TANK: variants seen among roughly 807,000 people sequenced by gnomAD.
The protein encoded by TANK is TRAF family member-associated NF-kappa-B activator.
TANK carries 15 observed loss-of-function variants against 43.6 expected under a neutral mutation model. The observed-to-expected ratio is 0.34, with a 90% CI of 0.23 to 0.53. The LOEUF (loss-of-function observed/expected upper bound fraction) is 0.53. TANK is among the 20% of genes least tolerant of loss of function. The probability of loss-of-function intolerance (pLI) is 0.94; values close to 1 mark genes in which losing one functional copy is unlikely to be tolerated. For missense variants in TANK, 417 were observed against 498.6 expected, an observed-to-expected ratio of 0.84 and a Z score of 1.56; for synonymous variants, 162 against 178.2, an observed-to-expected ratio of 0.91 and a Z score of 0.73.
chr2:161,207,797 TC>T, intron 4 of TANK: 1 of 985,386 alleles, frequency 1.0e-6, no homozygotes, highest in Non-Finnish European at 1.2e-6. Context: ...ATGAAAAAAA[TC>T]CATGTCTGTT....
chr2:161,217,023 AT>A lies in TANK; in HGVS notation c.328-6888del, dbSNP rs59778093. On this transcript the variant is annotated intron_variant, in intron 4 of 7. Coordinates refer to ENST00000392749, the MANE Select transcript of TANK (RefSeq NM_001199135.3). ...TATACAGGTTTCTGTGTGAACATAA[AT>A]TTTGAAGTGCCCAGGAGTGCATTCA... Among the ~76,000 whole-genome samples the A allele has an allele frequency of 3.9e-5, 6 of 152,338 alleles. No homozygotes were observed. The East Asian group carries it at 1.2e-3, about 29-fold the overall frequency.
At chr2:161,199,062 G>A (rs1263725699) in intron 2 of TANK, among the ~76,000 whole-genome samples, 1 of 152,100 alleles carries the variant, frequency 6.6e-6, no homozygotes, top group East Asian at 1.9e-4. Flanking sequence ...TAATTAGATT[G>A]TGTCTAATTA....
chr2:161,197,004 A>G (rs1686181167), intron 2 of TANK, among the ~76,000 whole-genome samples: 1 of 152,236 alleles, frequency 6.6e-6, no homozygotes, highest in African/African-American at 2.4e-5. Context: ...AATAGTTCTC[A>G]TTTGTAAAAA....
upstream of TANK, among the ~76,000 whole-genome samples, chr2:161,159,886 TTGGGGAGAAACCAA>T (rs1684328320): frequency 6.6e-6 from 1 of 152,154 alleles, no homozygotes; most frequent in Non-Finnish European, 1.5e-5. Context: ...ATACTACCAG[TTGGGGAGAAACCAA>T]ATGGGTATGT....
intron 1 of TANK, among the ~76,000 whole-genome samples, chr2:161,138,727 C>T (rs1042894952): frequency 6.6e-6 from 1 of 152,174 alleles, no homozygotes; most frequent in African/African-American, 2.4e-5. Flanking sequence ...CTTTTAAACA[C>T]TTATGACATT....
intron 1 of TANK, chr2:161,161,573 G>A (rs536145826): frequency 1.6e-6 from 2 of 1,240,516 alleles, no homozygotes; most frequent in African/African-American, 1.5e-5. Context: ...TTTCCTGTAT[G>A]TGCATAACCA....
At chr2:161,203,367 T>A (rs1686505637) in intron 2 of TANK, 120 bp from the exon 3 acceptor site, 1 of 640,268 alleles carries the variant, frequency 1.6e-6, no homozygotes, top group Non-Finnish European at 2.7e-6. Flanking sequence ...ATCTCATAAA[T>A]CACAATACCT....
chr2:161,192,314 A>G (rs533932544), intron 2 of TANK, among the ~76,000 whole-genome samples: 24 of 152,340 alleles, frequency 1.6e-4, no homozygotes, highest in African/African-American at 4.3e-4. Context: ...AATGAGTTTA[A>G]TAAGCTGCTG....
chr2:161,156,410 A>G (rs750090679), upstream of TANK: 46 of 953,592 alleles, frequency 4.8e-5, no homozygotes, highest in Non-Finnish European at 5.6e-5. Flanking sequence ...ATCTTAGTCT[A>G]ATAGCTTATC....
Position 161,231,474 on chromosome 2 carries a change from T to G in TANK, c.1024T>G (p.Phe342Val), listed in dbSNP as rs143627145. 8 of 1,614,012 alleles carry G rather than the reference T, an allele frequency of 5.0e-6. No homozygotes were observed. Among genetic ancestry groups the G allele is most frequent in the Non-Finnish European group, 6.8e-6 (8 of 1,180,014 alleles). The change falls in exon 7 of 8, where the codon TTC (phenylalanine) becomes GTC (valine). Residue 342 changes from phenylalanine to valine, a missense_variant. Physicochemically the swap from Phe to Val is conservative, Grantham distance 50. Coordinates refer to ENST00000392749, the MANE Select transcript of TANK (RefSeq NM_001199135.3). Reference sequence around the variant, plus strand: ...CCATAATGCATTATATGTAAATAGCTTCCCACTTCTGGACCCATCTGATGC... The same window carrying G: ...CCATAATGCATTATATGTAAATAGCGTCCCACTTCTGGACCCATCTGATGC... ...GDHNALYVNSFPLLDPSDAPF... is the reference protein window; with the variant it reads ...GDHNALYVNSVPLLDPSDAPF...
chr2:161,167,694 C>T (rs186058950), intron 1 of TANK, among the ~76,000 whole-genome samples: 36 of 152,198 alleles, frequency 2.4e-4, no homozygotes, highest in African/African-American at 7.7e-4. Context: ...GCGATCTTGT[C>T]TCACTGCAAG....
At chr2:161,227,363 G>A (rs1432056390) in intron 6 of TANK, among the ~76,000 whole-genome samples, 2 of 152,060 alleles carry the variant, frequency 1.3e-5, no homozygotes, top group Non-Finnish European at 2.9e-5. Flanking sequence ...GTCAATTTGG[G>A]GACTTCTCTC....
In TANK at chr2:161,203,507, A is replaced by T. The variant is rs373370506; in HGVS notation, c.120A>T (p.Arg40Ser). ...LQQKTENYEQ[R>S]IREQQEQLSL... ...AGCAGACTGAGAACTATGAGCAGAGAATACGTGAACAACAGGAACAGCTGT... is the reference window on the plus strand; with the variant it reads ...AGCAGACTGAGAACTATGAGCAGAGTATACGTGAACAACAGGAACAGCTGT... Residue 40 changes from arginine (R) to serine (S), a missense_variant, in exon 3 of 8, where the codon AGA becomes AGT. Transcript: ENST00000392749. 215 of 1,611,720 alleles carry T rather than the reference A, an allele frequency of 1.3e-4. No homozygotes were observed. The highest frequency in any genetic ancestry group is 1.7e-4 in the Non-Finnish European group (202 of 1,179,216).
intron 2 of TANK, among the ~76,000 whole-genome samples, chr2:161,188,291 TTTAG>T (rs1408862076): frequency 6.6e-6 from 1 of 152,096 alleles, no homozygotes; most frequent in Non-Finnish European, 1.5e-5. Context: ...GTGACAAACC[TTTAG>T]TTAGCTTGAC....
chr2:161,161,110 G>T, intron 1 of TANK: 1 of 1,128,298 alleles, frequency 8.9e-7, no homozygotes, highest in Non-Finnish European at 1.2e-6. Context: ...GTTAGGTAGA[G>T]TCCTCACGCC....
intron 4 of TANK, among the ~76,000 whole-genome samples, chr2:161,219,458 A>G (rs1214856483): frequency 2.0e-5 from 3 of 152,332 alleles, no homozygotes; most frequent in South Asian, 2.1e-4. Flanking sequence ...AGAACAGACA[A>G]GGCTCCTAGG....
intron 7 of TANK, chr2:161,232,708 T>TA: frequency 1.3e-6 from 2 of 1,544,162 alleles, no homozygotes; most frequent in Non-Finnish European, 1.7e-6. Context: ...TTCTCTATTA[T>TA]ATGTCTTGCT....
At chr2:161,225,010 C>T (rs2105388007) in intron 6 of TANK, among the ~76,000 whole-genome samples, 1 of 151,844 alleles carries the variant, frequency 6.6e-6, no homozygotes, top group African/African-American at 2.4e-5. Flanking sequence ...ATGAGACATC[C>T]CACCTTAAAA....
At chr2:161,161,034 C>CG (rs1684405587) in intron 1 of TANK, 1 of 545,580 alleles carries the variant, frequency 1.8e-6, no homozygotes, top group South Asian at 2.2e-5. Flanking sequence ...CAGAGGGTCA[C>CG]GGAGGGAGTG....
Sources: allele counts gnomAD v4.1 joint callset (sites outside exome capture counted in the v4.1 genomes callset), GRCh38; gene constraint gnomAD v4.1.1; transcripts MANE v1.5; gene names NCBI Gene and HGNC (gene_info 2026-07-23, HGNC 2026-07-21).